Variants in PROC observed in about 807,000 individuals in gnomAD.
The protein encoded by PROC is vitamin K-dependent protein C.
Under a neutral mutation model 36.3 loss-of-function variants are expected in PROC, and 22 were observed. That is an observed-to-expected ratio of 0.61 (90% CI 0.43 to 0.86). The LOEUF (loss-of-function observed/expected upper bound fraction) is 0.86, where lower values mean the gene tolerates loss of function less well. Among genes scored for constraint, PROC ranks in the 40% least tolerant of loss-of-function variants. The probability of loss-of-function intolerance (pLI) is 0.00; values close to 1 mark genes in which losing one functional copy is unlikely to be tolerated. For missense variants in PROC, 526 were observed against 629.7 expected (o/e 0.84, Z 1.76); for synonymous variants, 218 against 244.5 (o/e 0.89, Z 1.01).
At position 127,422,947 on chromosome 2, in the gene PROC, T is replaced by G. The variant is rs770241629; in HGVS notation, c.262+6T>G. 6.3e-7 allele frequency: 1 copy of G among 1,598,776 alleles called. No individual in the cohort carries two copies. The highest frequency in any genetic ancestry group is 8.5e-7 in the Non-Finnish European group (1 of 1,173,828). ...CTTCTGGTCCAAGCACGTCGGTGAG[T>G]GCGTTCTAGATCCCCGGCTGGACTA... On this transcript the variant is annotated splice_donor_region_variant and intron_variant, in intron 4 of 8. Coordinates refer to ENST00000234071, the MANE Select transcript of PROC (RefSeq NM_000312.4).
At position 127,426,535 on chromosome 2, in the gene PROC, G is replaced by A. The variant is rs988984842; in HGVS notation, c.678+308G>A. ...TTTTAGGCAGAAGCCCTGCTGATGG[G>A]AGAGGGCTAGGAGGGAGGGCCGGGC... On this transcript the variant is annotated intron_variant, in intron 7 of 8. Transcript: ENST00000234071. This position sits in a 1 kb window ranked among gnomAD's most constrained non-coding sequence, Gnocchi z 7.0. 4.5e-6 allele frequency: 2 copies of A among 445,000 alleles called. No homozygotes were observed. Among genetic ancestry groups the A allele is most frequent in the Non-Finnish European group, 8.3e-6 (2 of 239,550 alleles). The allele number at this position is 445,000 out of a possible 1,614,324, so 27.6% of individuals were successfully genotyped here.
chr2:127,428,241 C>T, intron 8 of PROC, 116 bp from the exon 9 acceptor site: 4 of 1,041,424 alleles, frequency 3.8e-6, no homozygotes, highest in Non-Finnish European at 5.8e-6. Flanking sequence ...CCGGGTGAAC[C>T]TTCTTCAGGC....
chr2:127,419,328 T>G (rs1260736193), intron 1 of PROC, among the ~76,000 whole-genome samples: 1 of 152,244 alleles, frequency 6.6e-6, no homozygotes, highest in Non-Finnish European at 1.5e-5. Context: ...TCATGTTTAC[T>G]GAGCATGAGC....
At chr2:127,420,185 T>G (rs753095347) in intron 2 of PROC, among the ~76,000 whole-genome samples, 173 bp downstream of exon 2, 1 of 152,114 alleles carries the variant, frequency 6.6e-6, no homozygotes. Flanking sequence ...GCTGCCAGAG[T>G]GCCACACAGG....
At chr2:127,419,558 C>A in intron 1 of PROC, 1 of 352,448 alleles carries the variant, frequency 2.8e-6, no homozygotes, top group Non-Finnish European at 5.5e-6. Context: ...CCTGTGAATC[C>A]TGTAAAAATT....
At chr2:127,427,493 C>A (rs1238648072) in intron 8 of PROC, among the ~76,000 whole-genome samples, 1 of 151,426 alleles carries the variant, frequency 6.6e-6, no homozygotes, top group African/African-American at 2.4e-5. Flanking sequence ...GCTACACAGA[C>A]CTTCACCTCT....
chr2:127,423,513 G>C, intron 6 of PROC, 105 bp downstream of exon 6: 2 of 1,433,996 alleles, frequency 1.4e-6, no homozygotes, highest in Middle Eastern at 1.8e-4. Flanking sequence ...TCTAGGGAGG[G>C]AGCGAGGAAC....
rs1688620698 is a variant in PROC at position 127,427,820 on chromosome 2, G to C, written c.797-537G>C. ...AATCTATGGCCAGTGGCCCCCCGTG[G>C]GGCTTGGCTTAGAATTCCCAGGTGC... On this transcript the variant is annotated intron_variant, in intron 8 of 8. Transcript: ENST00000234071. Among the ~76,000 whole-genome samples, 4 of 152,210 alleles carry C rather than the reference G, an allele frequency of 2.6e-5. No homozygotes were observed. The South Asian group carries it at 8.3e-4, about 32-fold the overall frequency.
At chr2:127,420,398 T>C (rs2069910) in intron 2 of PROC, among the ~76,000 whole-genome samples, 78,525 of 151,970 alleles carry the variant, frequency 0.52, 20,719 homozygotes, top group South Asian at 0.65. Flanking sequence ...ACTGGCCTCA[T>C]GGCTGCCCTG....
At chr2:127,420,162 C>A in intron 2 of PROC, 150 bp downstream of exon 2, 1 of 988,464 alleles carries the variant, frequency 1.0e-6, no homozygotes, top group Non-Finnish European at 1.5e-6. Flanking sequence ...ACTGACAAGT[C>A]CCAGGTAGGC....
chr2:127,419,114 A>G (rs1357966180), intron 1 of PROC, among the ~76,000 whole-genome samples: 2 of 151,904 alleles, frequency 1.3e-5, no homozygotes, highest in African/African-American at 4.8e-5. Context: ...GTGAGACCCT[A>G]CTCCTGGAGG....
chr2:127,418,605 C>A lies in PROC; in HGVS notation c.-22+113C>A. 9.9e-7 allele frequency: 1 copy of A among 1,006,854 alleles called. No individual in the cohort carries two copies. Among genetic ancestry groups the A allele is most frequent in the South Asian group, 1.4e-5 (1 of 73,620 alleles). 62.4% of individuals were successfully genotyped at this position (1,006,854 alleles called of 1,614,324 possible). Reference sequence around the variant, plus strand: ...TCCTCCAGCCAGGGTGCTCAACAAGCCTGAGCTTGGGGTGAAAGGACACAA... The same window carrying A: ...TCCTCCAGCCAGGGTGCTCAACAAGACTGAGCTTGGGGTGAAAGGACACAA... On this transcript the variant is annotated intron_variant, in intron 1 of 8. Transcript: ENST00000234071. The surrounding 1 kb of genome is among the most constrained non-coding windows in gnomAD (Gnocchi z 4.8).
chr2:127,420,262 ACACGGGGATGGT>A (rs1688012597), intron 2 of PROC, among the ~76,000 whole-genome samples: 1 of 152,136 alleles, frequency 6.6e-6, no homozygotes, highest in South Asian at 2.1e-4. Flanking sequence ...TCCCTCCTCC[ACACGGGGATGGT>A]CACAGAGTCC....
At chr2:127,420,615 T>TC (rs1048423276) in intron 2 of PROC, among the ~76,000 whole-genome samples, 3 of 151,730 alleles carry the variant, frequency 2.0e-5, no homozygotes, top group Admixed American at 6.6e-5. Flanking sequence ...GGATGCCTTT[T>TC]CCCCCATCCC....
chr2:127,427,453 C>T (rs7559264), intron 8 of PROC, among the ~76,000 whole-genome samples: 200 of 151,896 alleles, frequency 1.3e-3, no homozygotes, highest in African/African-American at 4.6e-3. Context: ...AATCTGGGCA[C>T]AGGTACCTGC....
chr2:127,424,189 G>A (rs973608321), intron 6 of PROC, among the ~76,000 whole-genome samples: 1 of 151,684 alleles, frequency 6.6e-6, no homozygotes, highest in Non-Finnish European at 1.5e-5. Flanking sequence ...TTTCTTTCAG[G>A]GAACTTTCTT....
At chr2:127,423,823 C>T (rs2069938) in intron 6 of PROC, among the ~76,000 whole-genome samples, 3,568 of 152,354 alleles carry the variant, frequency 0.023, 50 homozygotes, top group Non-Finnish European at 0.031. Flanking sequence ...CTCTTTACCC[C>T]CTTGCTTCCT....
Position 127,429,017 on chromosome 2 carries a change from ACCGG to A in PROC, c.*74_*77del. The A allele has an allele frequency of 6.5e-7, 1 of 1,538,096 alleles. No individual in the cohort carries two copies. Among genetic ancestry groups the A allele is most frequent in the Non-Finnish European group, 9.0e-7 (1 of 1,113,472 alleles). On this transcript the variant is annotated 3_prime_UTR_variant, in exon 9 of 9. Coordinates refer to ENST00000234071, the MANE Select transcript of PROC (RefSeq NM_000312.4). ...CATTAAAGGGACATGTAACAAGCAC[ACCGG>A]CCTGCTGTTCTGTCCTTCCATCCCT...
At chr2:127,427,303 C>T (rs903710542) in intron 8 of PROC, 81 bp downstream of exon 8, 18 of 1,269,226 alleles carry the variant, frequency 1.4e-5, no homozygotes, top group Non-Finnish European at 1.9e-5. Context: ...TTTGGGGGAC[C>T]CCGCTCCCCA....
Sources: gnomAD v4.1 joint callset for allele counts (sites outside exome capture counted in the v4.1 genomes callset) on GRCh38, gnomAD v4.1.1 for gene constraint, Gnocchi (gnomAD v3.1) non-coding constraint, MANE v1.5 for transcripts, NCBI Gene and HGNC (gene_info 2026-07-23, HGNC 2026-07-21) for gene names.